Variants in BLTP3B observed in about 807,000 individuals in gnomAD.
BLTP3B encodes UHRF1 (ICBP90) binding protein 1-like.
At chr12:100,077,943 AG>A in the BLTP3B span, among the ~76,000 whole-genome samples, 1 of 152,200 alleles carries the variant, frequency 6.6e-6, no homozygotes, top group African/African-American at 2.4e-5. Flanking sequence ...AAAGCAAAAA[AG>A]GCATTTTAGA....
At chr12:100,053,505 T>C in the BLTP3B span, among the ~76,000 whole-genome samples, 2 of 152,182 alleles carry the variant, frequency 1.3e-5, no homozygotes, top group Admixed American at 1.3e-4. Flanking sequence ...GGTAGGCTGA[T>C]AGTCCAGTTA....
the BLTP3B span, among the ~76,000 whole-genome samples, chr12:100,100,005 T>C: frequency 1.7e-4 from 25 of 144,102 alleles, no homozygotes; most frequent in African/African-American, 5.6e-4. Context: ...AAAAAAAAAA[T>C]GCTATTCTCA....
the BLTP3B span, among the ~76,000 whole-genome samples, chr12:100,040,706 C>A: frequency 0.038 from 5,765 of 150,488 alleles, 207 homozygotes; most frequent in Admixed American, 0.11. Flanking sequence ...ACAACAACAA[C>A]AAAAAAAAAC....
At chr12:100,133,865 A>G in the BLTP3B span, among the ~76,000 whole-genome samples, 2 of 152,238 alleles carry the variant, frequency 1.3e-5, no homozygotes, top group Admixed American at 6.5e-5. Flanking sequence ...ACAGTACGAT[A>G]GCTTGAGAAA....
At chr12:100,122,494 C>A in the BLTP3B span, among the ~76,000 whole-genome samples, 1 of 152,166 alleles carries the variant, frequency 6.6e-6, no homozygotes, top group African/African-American at 2.4e-5. Flanking sequence ...ATTTACTGAG[C>A]ATTTACTAGG....
chr12:100,081,212 G>A, the BLTP3B span, among the ~76,000 whole-genome samples: 1 of 152,100 alleles, frequency 6.6e-6, no homozygotes, highest in South Asian at 2.1e-4. Flanking sequence ...CATGAAAATG[G>A]ACTAATACAG....
chr12:100,072,532 TG>T, the BLTP3B span: 1 of 756,162 alleles, frequency 1.3e-6, no homozygotes, highest in African/African-American at 1.8e-5. Flanking sequence ...CACAGTGAGA[TG>T]CTAGCTCTCA....
chr12:100,137,403 C>A, the BLTP3B span, among the ~76,000 whole-genome samples: 1 of 152,170 alleles, frequency 6.6e-6, no homozygotes, highest in Admixed American at 6.6e-5. Context: ...GGCACCAAAT[C>A]CTGCATGTGT....
the BLTP3B span, chr12:100,047,829 A>AAAT: frequency 1.7e-6 from 2 of 1,207,986 alleles, no homozygotes; most frequent in Admixed American, 6.4e-5. Flanking sequence ...AGACAAAATC[A>AAAT]TTTTAATAAA....
the BLTP3B span, among the ~76,000 whole-genome samples, chr12:100,071,580 A>G: frequency 6.6e-6 from 1 of 152,042 alleles, no homozygotes; most frequent in Non-Finnish European, 1.5e-5. Flanking sequence ...ATACAAATGT[A>G]CAATCATTTT....
the BLTP3B span, among the ~76,000 whole-genome samples, chr12:100,086,934 G>T: frequency 6.6e-6 from 1 of 152,152 alleles, no homozygotes; most frequent in East Asian, 1.9e-4. Flanking sequence ...GCCGAGGCGG[G>T]TGGATCACGA....
chr12:100,124,605 C>T, the BLTP3B span, among the ~76,000 whole-genome samples: 1 of 151,782 alleles, frequency 6.6e-6, no homozygotes, highest in Admixed American at 6.6e-5. Context: ...ATTAGCTGGG[C>T]GTGATGGCAC....
chr12:100,080,757 T>G, the BLTP3B span, among the ~76,000 whole-genome samples: 2 of 143,682 alleles, frequency 1.4e-5, no homozygotes, highest in Non-Finnish European at 3.1e-5. Flanking sequence ...GAGTTAAAAC[T>G]TTGGGGGACA....
chr12:100,142,575 C>G, the BLTP3B span: 3 of 1,607,452 alleles, frequency 1.9e-6, no homozygotes, highest in Admixed American at 1.7e-5. Flanking sequence ...GGCGCCGACA[C>G]CGAGGCGCTC....
At chr12:100,037,513 A>T in the BLTP3B span, 3 of 1,535,116 alleles carry the variant, frequency 2.0e-6, no homozygotes, top group South Asian at 2.5e-5. Flanking sequence ...ACTTCATCAC[A>T]TTCCATTTTG....
At chr12:100,056,215 T>TA in the BLTP3B span, among the ~76,000 whole-genome samples, 1 of 152,090 alleles carries the variant, frequency 6.6e-6, no homozygotes, top group African/African-American at 2.4e-5. Flanking sequence ...TTAAGACCCT[T>TA]AAAAAAGAGG....
chr12:100,117,433 T>C, the BLTP3B span, among the ~76,000 whole-genome samples: 1 of 152,104 alleles, frequency 6.6e-6, no homozygotes, highest in African/African-American at 2.4e-5. Flanking sequence ...AGGGTAGACA[T>C]ACACTAGTGA....
the BLTP3B span, among the ~76,000 whole-genome samples, chr12:100,067,593 T>C: frequency 6.6e-6 from 1 of 151,966 alleles, no homozygotes; most frequent in Non-Finnish European, 1.5e-5. Context: ...CTACAAGAGA[T>C]GGAAGAATTC....
the BLTP3B span, among the ~76,000 whole-genome samples, chr12:100,130,636 C>T: frequency 2.6e-5 from 4 of 152,132 alleles, no homozygotes; most frequent in Non-Finnish European, 5.9e-5. Context: ...CAAGTTGGGG[C>T]TGGGCGCGGT....
Sources: allele counts gnomAD v4.1 joint callset (sites outside exome capture counted in the v4.1 genomes callset), GRCh38; gene constraint gnomAD v4.1.1; transcripts MANE v1.5; gene names NCBI Gene and HGNC (gene_info 2026-07-23, HGNC 2026-07-21).